Variants in DNAAF4 observed in about 807,000 individuals in gnomAD.
DNAAF4 encodes dynein axonemal assembly factor 4.
In DNAAF4, 43 loss-of-function variants were observed where a neutral mutation model predicts 51.8. That is an observed-to-expected ratio of 0.83 (90% CI 0.65 to 1.07). The LOEUF (loss-of-function observed/expected upper bound fraction) is 1.07. Among genes scored for constraint, DNAAF4 ranks in the 50% least tolerant of loss-of-function variants. DNAAF4 has a pLI of 0.00. For synonymous variants in DNAAF4, 194 were observed against 165.6 expected, an observed-to-expected ratio of 1.17 and a Z score of -1.32; for missense variants, 581 against 493.0, an observed-to-expected ratio of 1.18 and a Z score of -1.69.
chr15:55,432,574 G>A lies in DNAAF4; in HGVS notation c.1076C>T (p.Thr359Ile). ...CTTCATTCTTGCATTAGCATTGTCT[G>A]TAACAGGTGGCATCAATAATTCCAG... ...KALELLMPPV[T>I]DNANARMKAH... The change falls in exon 9 of 10, where the codon ACA becomes ATA. Residue 359 changes from threonine to isoleucine, a missense_variant. Physicochemically the swap from Thr to Ile is moderately conservative, Grantham distance 89 (BLOSUM62 -1). Coordinates refer to ENST00000321149, the MANE Select transcript of DNAAF4 (RefSeq NM_130810.4). 1 of 1,611,678 alleles carries A rather than the reference G, an allele frequency of 6.2e-7. No individual in the cohort carries two copies.
At chr15:55,459,444 G>GA (rs1013233685) in intron 5 of DNAAF4, among the ~76,000 whole-genome samples, 10 of 151,204 alleles carry the variant, frequency 6.6e-5, no homozygotes, top group Admixed American at 1.3e-4. Context: ...ATAACACAAT[G>GA]AAAAAAAATA....
Position 55,430,618 on chromosome 15 carries a change from T to A in DNAAF4, c.*52A>T, listed in dbSNP as rs149117433. On this transcript the variant is annotated 3_prime_UTR_variant, in exon 10 of 10. Transcript: ENST00000321149. ...TGGCCATAATATGTACAAAGATGCC[T>A]CCAGTTGTTTTTAAAAAACTTATAA... is the stretch of plus-strand genomic sequence containing the variant. The A allele has an allele frequency of 3.0e-5, 48 of 1,584,244 alleles. No homozygotes were observed. The African/African-American group carries it at 6.1e-4, about 20-fold the overall frequency.
chr15:55,467,262 T>C, intron 4 of DNAAF4, 101 bp from the exon 5 acceptor site: 1 of 1,100,360 alleles, frequency 9.1e-7, no homozygotes, highest in Non-Finnish European at 1.3e-6. Flanking sequence ...ACCTCTAAAC[T>C]CTTGCCATTG....
intron 6 of DNAAF4, chr15:55,443,169 G>A: frequency 1.2e-6 from 2 of 1,610,154 alleles, no homozygotes; most frequent in South Asian, 2.2e-5. Flanking sequence ...TCATAAACTG[G>A]TCAAAGAGCA....
chr15:55,494,009 A>G (rs2058606958), intron 3 of DNAAF4, among the ~76,000 whole-genome samples: 1 of 151,694 alleles, frequency 6.6e-6, no homozygotes, highest in African/African-American at 2.4e-5. Flanking sequence ...AACCTGGCAA[A>G]ACTGAGTTTG....
chr15:55,448,519 G>GGGGTGTGTGT (rs1555415711), intron 6 of DNAAF4, among the ~76,000 whole-genome samples: 2 of 99,888 alleles, frequency 2.0e-5, no homozygotes, highest in African/African-American at 3.9e-5. Context: ...AAAAAAAAAG[G>GGGGTGTGTGT]GTGTGTGTGT....
intron 6 of DNAAF4, among the ~76,000 whole-genome samples, chr15:55,446,824 C>G (rs369161230): frequency 1.3e-5 from 2 of 149,424 alleles, no homozygotes; most frequent in East Asian, 4.1e-4. Context: ...AGGCGCTCCT[C>G]ACATCCCTGA....
rs8033344 is a variant in DNAAF4 at position 55,501,903 on chromosome 15, G to C, written c.-255-3319C>G. On this transcript the variant is annotated intron_variant, in intron 1 of 9. Coordinates refer to ENST00000321149, the MANE Select transcript of DNAAF4 (RefSeq NM_130810.4). ...ATTAAAAATACAAAAATTAGCCAGA[G>C]GTGGTGGTGTGTGCCTGTAATCCCA... is the stretch of plus-strand genomic sequence containing the variant. Among the ~76,000 whole-genome samples, 340 of 151,722 alleles carry C rather than the reference G, an allele frequency of 2.2e-3. 1 individual carries two copies. The highest frequency in any genetic ancestry group is 8.0e-3 in the African/African-American group (330 of 41,388).
intron 7 of DNAAF4, among the ~76,000 whole-genome samples, chr15:55,437,222 G>A (rs1055828842): frequency 6.6e-6 from 1 of 152,132 alleles, no homozygotes; most frequent in Admixed American, 6.6e-5. Flanking sequence ...CCTATAGTCT[G>A]GCAAATAGCA....
In DNAAF4 at chr15:55,484,271, CAGG is replaced by C. The variant is rs1165025428; in HGVS notation, c.405+6849_405+6851del. Among the ~76,000 whole-genome samples the C allele has an allele frequency of 2.0e-5, 3 of 151,974 alleles. No individual in the cohort carries two copies. In the East Asian group the frequency reaches 5.8e-4, roughly 29 times the overall value. ...GGCTGAGACAGGTGAATCACGAGGT[CAGG>C]AGATCGAGATCATCCTGGCTAACAT... On this transcript the variant is annotated intron_variant, in intron 4 of 9. Coordinates refer to ENST00000321149, the MANE Select transcript of DNAAF4 (RefSeq NM_130810.4).
chr15:55,433,646 G>T (rs1346098441), intron 8 of DNAAF4, among the ~76,000 whole-genome samples: 6 of 131,584 alleles, frequency 4.6e-5, no homozygotes, highest in Non-Finnish European at 7.8e-5. Context: ...AAAAAAAAAT[G>T]GCCTCAAGCA....
intron 5 of DNAAF4, among the ~76,000 whole-genome samples, chr15:55,453,056 A>G (rs1383867443): frequency 6.6e-6 from 1 of 152,004 alleles, no homozygotes; most frequent in Non-Finnish European, 1.5e-5. Context: ...CGAACTCCTG[A>G]TCTCGTGAGC....
At chr15:55,458,721 T>G (rs1004118096) in intron 5 of DNAAF4, among the ~76,000 whole-genome samples, 13 of 152,142 alleles carry the variant, frequency 8.5e-5, no homozygotes, top group Non-Finnish European at 1.8e-4. Flanking sequence ...AAAAGATCAT[T>G]GCCTAGGCAC....
chr15:55,442,837 C>T, intron 6 of DNAAF4: 1 of 1,612,818 alleles, frequency 6.2e-7, no homozygotes. Context: ...CATGACGATT[C>T]CCCCAGCCAT....
At position 55,460,184 on chromosome 15, in the gene DNAAF4, TTTA is replaced by T; in HGVS notation, c.637+6743_637+6745del. 5.2e-5 allele frequency among the ~76,000 whole-genome samples: 4 copies of T among 76,744 alleles called. 2 individuals carry two copies. The highest frequency in any genetic ancestry group is 8.1e-5 in the Non-Finnish European group (2 of 24,586). The allele number at this position is 76,744 out of a possible 152,430, so 50.3% of individuals were successfully genotyped here. On this transcript the variant is annotated intron_variant, in intron 5 of 9. Coordinates refer to ENST00000321149, the MANE Select transcript of DNAAF4 (RefSeq NM_130810.4). Reference sequence around the variant, plus strand: ...ATTTATTTATTTATTTACTTATTTATTTATTTTTTTTTTTGAGACAGAGTCTCA... The same window carrying T: ...ATTTATTTATTTATTTACTTATTTATTTTTTTTTTTTGAGACAGAGTCTCA...
chr15:55,454,500 C>G (rs927937784), intron 5 of DNAAF4, among the ~76,000 whole-genome samples: 2 of 151,834 alleles, frequency 1.3e-5, no homozygotes, highest in African/African-American at 4.8e-5. Context: ...GCCTCAGTAT[C>G]CCAAGTAGCT....
rs1354720003 is a variant in DNAAF4, at chr15:55,434,930, T to G, written c.1022A>C (p.His341Pro). ...CTTAGAAGAATCTTCAATAGCCTTGTGTAAGTTTTTTAGTTTTAGGTGGCA... is the reference window on the plus strand; with the variant it reads ...CTTAGAAGAATCTTCAATAGCCTTGGGTAAGTTTTTTAGTTTTAGGTGGCA... ...AACHLKLKNLHKAIEDSSKAL... is the reference protein window; with the variant it reads ...AACHLKLKNLPKAIEDSSKAL... The change falls in exon 8 of 10, where the codon CAC (histidine) becomes CCC (proline). Residue 341 changes from histidine (H) to proline (P), a missense_variant. Transcript: ENST00000321149. 2 of 1,611,584 alleles carry G rather than the reference T, an allele frequency of 1.2e-6. No individual in the cohort carries two copies. Among genetic ancestry groups the G allele is most frequent in the Non-Finnish European group, 1.7e-6 (2 of 1,179,458 alleles).
intron 1 of DNAAF4, among the ~76,000 whole-genome samples, chr15:55,504,959 G>T (rs1423352479): frequency 6.6e-6 from 1 of 152,108 alleles, no homozygotes; most frequent in Admixed American, 6.5e-5. Context: ...CACAGCAAAA[G>T]AAACTATCAT....
intron 1 of DNAAF4, among the ~76,000 whole-genome samples, chr15:55,500,714 C>T (rs921466219): frequency 5.9e-5 from 9 of 152,012 alleles, no homozygotes; most frequent in Non-Finnish European, 1.0e-4. Context: ...TCAAGTTGGC[C>T]GGGCGTGGTG....
Sources: allele counts gnomAD v4.1 joint callset (sites outside exome capture counted in the v4.1 genomes callset), GRCh38; gene constraint gnomAD v4.1.1; transcripts MANE v1.5; gene names NCBI Gene and HGNC (gene_info 2026-07-23, HGNC 2026-07-21).